MIDEAS: variants seen among roughly 807,000 people sequenced by gnomAD.
The protein encoded by MIDEAS is mitotic deacetylase-associated SANT domain protein.
In MIDEAS, 26 loss-of-function variants were observed where a neutral mutation model predicts 102.7. The observed-to-expected ratio is 0.25, with a 90% confidence interval of 0.19 to 0.35. MIDEAS has a LOEUF of 0.35. Among genes scored for constraint, MIDEAS ranks in the 10% least tolerant of loss-of-function variants. MIDEAS has a pLI of 1.00. For missense variants in MIDEAS, 1,231 were observed against 1,435.6 expected, an observed-to-expected ratio of 0.86 and a Z score of 2.30; for synonymous variants, 585 against 591.0, an observed-to-expected ratio of 0.99 and a Z score of 0.15.
chr14:73,781,033 T>C (rs2053751956), intron 1 of MIDEAS, among the ~76,000 whole-genome samples: 2 of 152,030 alleles, frequency 1.3e-5, no homozygotes, highest in Admixed American at 1.3e-4. Context: ...GGTTTACAAA[T>C]AGACCTGCTG....
In MIDEAS at chr14:73,726,677, C is replaced by G. The variant is rs1184945899; in HGVS notation, c.2336G>C (p.Ser779Thr). ...VEDLLTAACS[S>T]IFPGAGTNQE... ...GTTGGTGCCAGCACCAGGGAAAATG[C>G]TGGAGCAGGCGGCTGTCAGCAGGTC... is the stretch of plus-strand genomic sequence containing the variant. Residue 779 changes from serine to threonine, a missense_variant, in exon 7 of 13, where the codon AGC becomes ACC. Ser to Thr is a moderately conservative substitution (Grantham distance 58). Transcript: ENST00000423556. The G allele has an allele frequency of 3.1e-6, 5 of 1,614,242 alleles. No individual in the cohort carries two copies. Among genetic ancestry groups the G allele is most frequent in the Non-Finnish European group, 4.2e-6 (5 of 1,180,036 alleles).
At chr14:73,765,953 C>T (rs1872659524) in intron 1 of MIDEAS, among the ~76,000 whole-genome samples, 1 of 152,220 alleles carries the variant, frequency 6.6e-6, no homozygotes, top group South Asian at 2.1e-4. Flanking sequence ...CAAAAGGGGC[C>T]TTTGGTGGGA....
intron 1 of MIDEAS, among the ~76,000 whole-genome samples, chr14:73,743,052 C>T (rs563561394): frequency 3.3e-5 from 5 of 152,258 alleles, no homozygotes; most frequent in East Asian, 1.9e-4. Context: ...TACGGTCACA[C>T]AGTCATTATG....
At chr14:73,735,986 G>A (rs577805464) in intron 3 of MIDEAS, among the ~76,000 whole-genome samples, 10 of 151,904 alleles carry the variant, frequency 6.6e-5, no homozygotes, top group South Asian at 4.2e-4. Flanking sequence ...GTGAAACCCC[G>A]CCTCTACTAA....
At position 73,727,721 on chromosome 14, in the gene MIDEAS, T is replaced by G. The variant is rs539690880; in HGVS notation, c.2096-197A>C. 17 of 560,308 alleles carry G rather than the reference T, an allele frequency of 3.0e-5. No homozygotes were observed. The South Asian group carries it at 3.8e-4, about 13-fold the overall frequency. 34.7% of individuals were successfully genotyped at this position (560,308 alleles called of 1,614,324 possible). A position where few individuals can be genotyped will look rare whatever the true frequency, so the allele number is the denominator to read the frequency against. On this transcript the variant is annotated intron_variant, in intron 4 of 12. Transcript: ENST00000423556. ...GCCCTTCACTAAATATTTGGGTGCC[T>G]CAGTTTTCACACTCACCAAAAGGGG...
rs1171268859 is a variant in MIDEAS, at chr14:73,716,764, T to C, written c.*2079A>G. On this transcript the variant is annotated 3_prime_UTR_variant, in exon 13 of 13. Transcript: ENST00000423556. ...TGACAAAAGGGTCTCATATGAATGA[T>C]GGAGGTTTCTGTTACCGTATGCCCA... 2.0e-5 allele frequency: 3 copies of C among 151,888 alleles called. No homozygotes were observed. Among genetic ancestry groups the C allele is most frequent in the Non-Finnish European group, 4.4e-5 (3 of 68,000 alleles). 9.4% of individuals were successfully genotyped at this position (151,888 alleles called of 1,614,324 possible). A position where few individuals can be genotyped will look rare whatever the true frequency, so the allele number is the denominator to read the frequency against.
At chr14:73,761,447 C>T (rs568601147), upstream of MIDEAS, among the ~76,000 whole-genome samples, 3 of 152,278 alleles carry the variant, frequency 2.0e-5, no homozygotes, top group South Asian at 2.1e-4. Flanking sequence ...GGAGCACCTG[C>T]GTACATGTAC....
upstream of MIDEAS, among the ~76,000 whole-genome samples, chr14:73,788,341 A>G (rs979943946): frequency 4.0e-5 from 6 of 151,826 alleles, no homozygotes; most frequent in African/African-American, 1.5e-4. Flanking sequence ...GCCAGATAAA[A>G]CCTCCCCCCT....
At chr14:73,788,613 T>C (rs2053840865), upstream of MIDEAS, among the ~76,000 whole-genome samples, 1 of 152,184 alleles carries the variant, frequency 6.6e-6, no homozygotes, top group Non-Finnish European at 1.5e-5. Context: ...TGGCACATTA[T>C]AAATACAAAA....
At position 73,740,154 on chromosome 14, in the gene MIDEAS, G is replaced by T; in HGVS notation, c.-146C>A. ...AGGAAGACGCTGGACAGTGAGGTCG[G>T]ACACTGGGAGAAAGAACTGCTGGCT... On this transcript the variant is annotated 5_prime_UTR_variant, in exon 2 of 13. Transcript: ENST00000423556. 1.0e-6 allele frequency: 1 copy of T among 968,080 alleles called. No individual in the cohort carries two copies. Among genetic ancestry groups the T allele is most frequent in the South Asian group, 3.9e-5 (1 of 25,932 alleles). 60.0% of individuals were successfully genotyped at this position (968,080 alleles called of 1,614,324 possible). A position where few individuals can be genotyped will look rare whatever the true frequency, so the allele number is the denominator to read the frequency against.
chr14:73,760,137 G>GAA lies in MIDEAS; in HGVS notation c.-624_-623dup, dbSNP rs10708298. On this transcript the variant is annotated 5_prime_UTR_variant, in exon 1 of 13. Coordinates refer to ENST00000423556, the MANE Select transcript of MIDEAS (RefSeq NM_001367710.1). The surrounding 1 kb of genome is among the most constrained non-coding windows in gnomAD (Gnocchi z 4.8). ...GACTCATCGGTTGAGCTCACAGCTT[G>GAA]AAAAAAAAAAAAAGAGAGAGGGCGA... 5 of 143,896 alleles carry GAA rather than the reference G, an allele frequency of 3.5e-5. No individual in the cohort carries two copies. The highest frequency in any genetic ancestry group is 2.2e-4 in the South Asian group (1 of 4,606). 8.9% of individuals were successfully genotyped at this position (143,896 alleles called of 1,614,324 possible). A position where few individuals can be genotyped will look rare whatever the true frequency, so the allele number is the denominator to read the frequency against.
intron 1 of MIDEAS, among the ~76,000 whole-genome samples, chr14:73,749,337 C>CA (rs2053392708): frequency 7.3e-6 from 1 of 137,394 alleles, no homozygotes; most frequent in South Asian, 2.2e-4. Flanking sequence ...AGCTCAAGAC[C>CA]AGCCTGGGCA....
intron 1 of MIDEAS, among the ~76,000 whole-genome samples, chr14:73,758,207 G>A (rs571151830): frequency 6.6e-6 from 1 of 152,376 alleles, no homozygotes; most frequent in East Asian, 1.9e-4. Flanking sequence ...GTCCAGAGCA[G>A]TTGGAAAAGG....
intron 12 of MIDEAS, 27 bp from the exon 13 acceptor site, chr14:73,719,035 A>T (rs1213042156): frequency 1.4e-6 from 2 of 1,459,204 alleles, no homozygotes. Flanking sequence ...GTTGCTCAGA[A>T]CCGGCCTAGC....
chr14:73,752,752 T>C (rs1156613001), intron 1 of MIDEAS, among the ~76,000 whole-genome samples: 1 of 152,220 alleles, frequency 6.6e-6, no homozygotes, highest in Non-Finnish European at 1.5e-5. Flanking sequence ...TCACACATTC[T>C]TTGCATTTCT....
intron 1 of MIDEAS, among the ~76,000 whole-genome samples, chr14:73,775,239 C>T (rs2053679528): frequency 1.3e-5 from 2 of 151,904 alleles, no homozygotes; most frequent in Non-Finnish European, 2.9e-5. Context: ...GAAAGGTGGG[C>T]CAGGGCTCAA....
chr14:73,764,656 C>T (rs994067632), upstream of MIDEAS, among the ~76,000 whole-genome samples: 1 of 152,240 alleles, frequency 6.6e-6, no homozygotes, highest in African/African-American at 2.4e-5. Context: ...ACAACCACCC[C>T]AGTCATGAAG....
chr14:73,759,045 G>T lies in MIDEAS; in HGVS notation c.-248+718C>A, dbSNP rs988952563. On this transcript the variant is annotated intron_variant, in intron 1 of 12. Transcript: ENST00000423556. The surrounding 1 kb of genome is among the most constrained non-coding windows in gnomAD (Gnocchi z 6.7). Reference sequence around the variant, plus strand: ...CACAGCTCCCCGCGAGGCACCGCGCGGGCTGGGAGGGCTGCGGCGGCGCGG... The same window carrying T: ...CACAGCTCCCCGCGAGGCACCGCGCTGGCTGGGAGGGCTGCGGCGGCGCGG... Among the ~76,000 whole-genome samples the T allele has an allele frequency of 6.6e-6, 1 of 152,146 alleles. No individual in the cohort carries two copies. The highest frequency in any genetic ancestry group is 2.4e-5 in the African/African-American group (1 of 41,456).
chr14:73,783,586 C>T (rs1337234713), intron 1 of MIDEAS, among the ~76,000 whole-genome samples: 1 of 152,162 alleles, frequency 6.6e-6, no homozygotes, highest in Non-Finnish European at 1.5e-5. Flanking sequence ...TGCAAAGAGG[C>T]ATTTTAAGTG....
Sources: gnomAD v4.1 joint callset for allele counts (sites outside exome capture counted in the v4.1 genomes callset) on GRCh38, gnomAD v4.1.1 for gene constraint, Gnocchi (gnomAD v3.1) non-coding constraint, MANE v1.5 for transcripts, NCBI Gene and HGNC (gene_info 2026-07-23, HGNC 2026-07-21) for gene names.